APTX: variants seen among roughly 807,000 people sequenced by gnomAD.
APTX encodes the protein aprataxin.
Under a neutral mutation model 42.3 loss-of-function variants are expected in APTX, and 33 were observed. The ratio of observed to expected loss-of-function variants is 0.78; its 90% CI spans 0.59 to 1.04. APTX has a LOEUF of 1.04. Ranked by LOEUF, APTX falls within the 50% of genes least tolerant of loss-of-function variation. The pLI is 0.00. For missense variants in APTX, 421 were observed against 415.1 expected (o/e 1.01, Z -0.12); for synonymous variants, 130 against 146.7 (o/e 0.89, Z 0.82).
intron 1 of APTX, among the ~76,000 whole-genome samples, chr9:32,995,670 G>C (rs1010970338): frequency 6.6e-6 from 1 of 152,048 alleles, no homozygotes; most frequent in African/African-American, 2.4e-5. Context: ...GGCGGATCAC[G>C]AGGTCAGGAG....
chr9:33,007,117 G>A (rs1276300815), intron 1 of APTX, among the ~76,000 whole-genome samples: 1 of 151,872 alleles, frequency 6.6e-6, no homozygotes, highest in African/African-American at 2.4e-5. Context: ...AAGACTTGAT[G>A]GAAAAATATT....
At chr9:32,999,849 G>A (rs1835843042) in intron 1 of APTX, among the ~76,000 whole-genome samples, 1 of 152,108 alleles carries the variant, frequency 6.6e-6, no homozygotes, top group South Asian at 2.1e-4. Context: ...GGTGGTAGAC[G>A]CCTGTAGTCC....
chr9:32,978,455 T>C (rs1383135755), intron 6 of APTX, among the ~76,000 whole-genome samples: 1 of 152,136 alleles, frequency 6.6e-6, no homozygotes. Flanking sequence ...AGAGGAATTA[T>C]AGTTTCTATG....
chr9:32,985,564 G>A (rs1831789097), intron 5 of APTX, among the ~76,000 whole-genome samples: 1 of 152,014 alleles, frequency 6.6e-6, no homozygotes, highest in South Asian at 2.1e-4. Flanking sequence ...TCGAACTCCT[G>A]ACCTCAGGTG....
chr9:32,997,722 G>A (rs1371121428), intron 1 of APTX, among the ~76,000 whole-genome samples: 1 of 152,222 alleles, frequency 6.6e-6, no homozygotes, highest in African/African-American at 2.4e-5. Context: ...AGAGGCTGGA[G>A]ATACAGGCAG....
chr9:32,986,508 CT>C (rs1031065670), intron 4 of APTX, among the ~76,000 whole-genome samples: 70 of 139,406 alleles, frequency 5.0e-4, no homozygotes, highest in Admixed American at 1.1e-3. Flanking sequence ...TATATTCTTT[CT>C]TTTTTTTTTT....
upstream of APTX, chr9:33,001,669 C>T (rs1175518698): frequency 1.9e-6 from 3 of 1,596,258 alleles, no homozygotes; most frequent in Non-Finnish European, 2.6e-6. Flanking sequence ...CGACCAGTGA[C>T]GTCACCAGCA....
At chr9:32,977,406 C>T (rs777000188) in intron 6 of APTX, among the ~76,000 whole-genome samples, 4 of 152,092 alleles carry the variant, frequency 2.6e-5, no homozygotes, top group Non-Finnish European at 5.9e-5. Flanking sequence ...ATACCTGGAG[C>T]CGAGGAGTTC....
At chr9:32,974,892 A>C (rs529347205) in intron 6 of APTX, among the ~76,000 whole-genome samples, 23 of 150,888 alleles carry the variant, frequency 1.5e-4, no homozygotes, top group Non-Finnish European at 1.5e-5. Flanking sequence ...ATAAACAAAC[A>C]AAAAAAAACT....
In APTX at chr9:33,024,871, G is replaced by GC. The variant is rs1237669963; in HGVS notation, c.-5+151_-5+152insG. On this transcript the variant is annotated intron_variant, in intron 1 of 6. Coordinates refer to the APTX transcript ENST00000436040. ...AGAGGCGCCCGTAAGAGGGGGGGGG[G>GC]GGGGGGCAAGACTGTTCCAAGAGCT... 5.1e-5 allele frequency: 5 copies of GC among 97,956 alleles called. 1 individual carries two copies. In the East Asian group the frequency reaches 1.7e-3, roughly 33 times the overall value. The allele number at this position is 97,956 out of a possible 1,614,324, so 6.1% of individuals were successfully genotyped here.
At chr9:33,021,946 C>T (rs554624690) in intron 1 of APTX, among the ~76,000 whole-genome samples, 2 of 140,642 alleles carry the variant, frequency 1.4e-5, no homozygotes, top group East Asian at 4.2e-4. Context: ...GGCAACACAT[C>T]AAGGCTGTTA....
chr9:33,020,602 G>A (rs904855605), intron 1 of APTX, among the ~76,000 whole-genome samples: 5 of 152,308 alleles, frequency 3.3e-5, no homozygotes, highest in African/African-American at 4.8e-5. Flanking sequence ...AGTGTTTAGC[G>A]CAGTGCCTGG....
chr9:33,011,939 G>A (rs190738948), intron 1 of APTX, among the ~76,000 whole-genome samples: 28 of 152,126 alleles, frequency 1.8e-4, no homozygotes, highest in South Asian at 8.3e-4. Context: ...CAGACTGGAC[G>A]TCCAGTGGCA....
intron 1 of APTX, among the ~76,000 whole-genome samples, chr9:33,021,592 G>A (rs1838387896): frequency 6.6e-6 from 1 of 152,210 alleles, no homozygotes. Flanking sequence ...GGACACCAAG[G>A]CAGGACAACT....
chr9:32,991,232 C>G (rs1381013559), intron 1 of APTX, among the ~76,000 whole-genome samples: 2 of 152,146 alleles, frequency 1.3e-5, no homozygotes, highest in Non-Finnish European at 2.9e-5. Flanking sequence ...GGCCGCAAAC[C>G]TACAATTTCT....
chr9:33,001,761 C>T, upstream of APTX: 1 of 922,218 alleles, frequency 1.1e-6, no homozygotes, highest in Non-Finnish European at 1.7e-6. Context: ...CTCTCTGGGC[C>T]GTGGTCCAAC....
upstream of APTX, among the ~76,000 whole-genome samples, chr9:33,003,544 A>G: frequency 6.6e-6 from 1 of 152,064 alleles, no homozygotes; most frequent in East Asian, 1.9e-4. Context: ...AAGCAGAAGA[A>G]TTGCTTGAAC....
intron 1 of APTX, among the ~76,000 whole-genome samples, chr9:32,991,598 G>A (rs1833652510): frequency 3.3e-5 from 5 of 152,010 alleles, no homozygotes; most frequent in Admixed American, 6.6e-5. Flanking sequence ...CCTAGCCAAC[G>A]TGGTAAAACC....
At chr9:32,986,411 G>A (rs917360377) in intron 4 of APTX, among the ~76,000 whole-genome samples, 3 of 151,982 alleles carry the variant, frequency 2.0e-5, no homozygotes, top group Admixed American at 2.0e-4. Flanking sequence ...TGGCCATGCT[G>A]GTCTTGAACT....
Sources: allele counts gnomAD v4.1 joint callset (sites outside exome capture counted in the v4.1 genomes callset), GRCh38; gene constraint gnomAD v4.1.1; transcripts MANE v1.5; gene names NCBI Gene and HGNC (gene_info 2026-07-23, HGNC 2026-07-21).